SSH1: variants seen among roughly 807,000 people sequenced by gnomAD.
SSH1 encodes the protein protein phosphatase Slingshot homolog 1.
A neutral mutation model predicts 79.7 loss-of-function variants in SSH1; 43 were observed. That is an observed-to-expected ratio of 0.54 (90% CI 0.42 to 0.70). The LOEUF is 0.70. Among genes scored for constraint, SSH1 ranks in the 30% least tolerant of loss-of-function variants. The probability of loss-of-function intolerance (pLI) is 0.00; values close to 1 mark genes in which losing one functional copy is unlikely to be tolerated. For missense variants in SSH1, 1,206 were observed against 1,358.8 expected (o/e 0.89, Z 1.77); for synonymous variants, 599 against 538.3 (o/e 1.11, Z -1.56).
At chr12:108,834,604 G>A (rs895646213) in intron 2 of SSH1, among the ~76,000 whole-genome samples, 1 of 152,164 alleles carries the variant, frequency 6.6e-6, no homozygotes, top group African/African-American at 2.4e-5. Context: ...GTTATCCTCG[G>A]CAAAGGCGGG....
At chr12:108,826,726 A>G (rs1431064844) in intron 2 of SSH1, among the ~76,000 whole-genome samples, 1 of 152,166 alleles carries the variant, frequency 6.6e-6, no homozygotes, top group African/African-American at 2.4e-5. Context: ...TCTGATGCCC[A>G]GAGGCACAGG....
intron 13 of SSH1, among the ~76,000 whole-genome samples, chr12:108,798,542 G>C (rs772859593): frequency 6.8e-6 from 1 of 146,760 alleles, no homozygotes; most frequent in Admixed American, 6.6e-5. Flanking sequence ...ACTGAGGCTC[G>C]GGAAGACTGA....
At chr12:108,823,929 G>A (rs1480331549) in intron 2 of SSH1, among the ~76,000 whole-genome samples, 1 of 152,162 alleles carries the variant, frequency 6.6e-6, no homozygotes, top group Non-Finnish European at 1.5e-5. Flanking sequence ...AGGCCTCCTG[G>A]AGTGCTGTGA....
In SSH1 at chr12:108,798,089, G is replaced by A. The variant is rs77063405; in HGVS notation, c.1349+911C>T. ...GGGTTCACTCCTGCCAGAGCAAAGA[G>A]GCCGGTTCCTCCACTCGCTCACCCC... On this transcript the variant is annotated intron_variant, in intron 13 of 14. Coordinates refer to ENST00000326495, the MANE Select transcript of SSH1 (RefSeq NM_018984.4). Among the ~76,000 whole-genome samples the A allele has an allele frequency of 1.2e-3, 187 of 152,368 alleles. 7 individuals carry two copies. The East Asian group carries it at 0.035, about 29-fold the overall frequency.
At chr12:108,814,923 T>A (rs956985747) in intron 5 of SSH1, among the ~76,000 whole-genome samples, 1 of 152,176 alleles carries the variant, frequency 6.6e-6, no homozygotes, top group Non-Finnish European at 1.5e-5. Context: ...CGGAGTGGGA[T>A]GCGCATGTGG....
In SSH1 at chr12:108,837,449, C is replaced by G. The variant is rs776621465; in HGVS notation, c.111-14088G>C. 6.4e-4 allele frequency among the ~76,000 whole-genome samples: 97 copies of G among 152,112 alleles called. 1 individual carries two copies. The highest frequency in any genetic ancestry group is 1.1e-3 in the Admixed American group (17 of 15,272). ...GGAATGCATCAGAGTCAGTGTCCCG[C>G]GTGGATGGCTGTGTTGCGGTTCTGT... is the stretch of plus-strand genomic sequence containing the variant. On this transcript the variant is annotated intron_variant, in intron 2 of 14. Coordinates refer to ENST00000326495, the MANE Select transcript of SSH1 (RefSeq NM_018984.4).
intron 3 of SSH1, among the ~76,000 whole-genome samples, chr12:108,823,003 G>A (rs564702220): frequency 6.6e-6 from 1 of 152,360 alleles, no homozygotes; most frequent in South Asian, 2.1e-4. Flanking sequence ...ATAAACTACA[G>A]AGAGGAAATC....
chr12:108,809,650 A>G (rs745784005), intron 7 of SSH1, 43 bp downstream of exon 7: 83 of 1,553,304 alleles, frequency 5.3e-5, no homozygotes, highest in Non-Finnish European at 7.1e-5. Context: ...GTCGGCTAAG[A>G]AAATATTTCT....
At chr12:108,839,198 T>C (rs916783097) in intron 2 of SSH1, among the ~76,000 whole-genome samples, 2 of 152,156 alleles carry the variant, frequency 1.3e-5, no homozygotes, top group African/African-American at 4.8e-5. Context: ...AAAAACCACC[T>C]CCATTACCAT....
rs188611162 is a variant in SSH1 at position 108,829,912 on chromosome 12, G to A, written c.111-6551C>T. 4.6e-5 allele frequency among the ~76,000 whole-genome samples: 7 copies of A among 152,086 alleles called. No individual in the cohort carries two copies. In the East Asian group the frequency reaches 1.4e-3, roughly 29 times the overall value. ...ACCCCTGGAGTTCAAGATTAACCTG[G>A]GCAACGTAACAAGATCCCATCTCTA... is the stretch of plus-strand genomic sequence containing the variant. On this transcript the variant is annotated intron_variant, in intron 2 of 14. Coordinates refer to ENST00000326495, the MANE Select transcript of SSH1 (RefSeq NM_018984.4).
chr12:108,849,829 G>A (rs1305907465), intron 2 of SSH1, among the ~76,000 whole-genome samples: 2 of 119,956 alleles, frequency 1.7e-5, no homozygotes, highest in Non-Finnish European at 1.7e-5. Context: ...GGGGAGCCAG[G>A]GGAGGAGGCA....
At chr12:108,793,242 G>A (rs1212467932) in intron 13 of SSH1, among the ~76,000 whole-genome samples, 2 of 152,210 alleles carry the variant, frequency 1.3e-5, no homozygotes, top group Admixed American at 6.5e-5. Flanking sequence ...TCAAAGTGGA[G>A]TATGTACAGA....
At chr12:108,794,607 G>A (rs773153490) in intron 13 of SSH1, among the ~76,000 whole-genome samples, 2 of 152,192 alleles carry the variant, frequency 1.3e-5, no homozygotes, top group Non-Finnish European at 2.9e-5. Context: ...GTTTAGCACT[G>A]CAAAAGGAAA....
chr12:108,846,891 C>T (rs2038910129), intron 2 of SSH1, among the ~76,000 whole-genome samples: 1 of 151,934 alleles, frequency 6.6e-6, no homozygotes, highest in South Asian at 2.1e-4. Context: ...GGACCTGATT[C>T]TAGGCAAGGA....
intron 2 of SSH1, among the ~76,000 whole-genome samples, chr12:108,838,896 C>G (rs948048621): frequency 6.6e-6 from 1 of 152,230 alleles, no homozygotes; most frequent in South Asian, 2.1e-4. Context: ...GGTAACCATA[C>G]CAATGCTATG....
chr12:108,848,062 G>A (rs550218395), intron 2 of SSH1, among the ~76,000 whole-genome samples: 5 of 152,310 alleles, frequency 3.3e-5, no homozygotes, highest in Non-Finnish European at 7.3e-5. Context: ...AGGCACATGC[G>A]AGAGGGGAGG....
At chr12:108,806,561 C>G (rs2037285646) in intron 8 of SSH1, among the ~76,000 whole-genome samples, 167 bp from the exon 9 acceptor site, 1 of 152,190 alleles carries the variant, frequency 6.6e-6, no homozygotes. Context: ...CACAGAAAAC[C>G]CGCTGCAGCT....
chr12:108,792,994 AAC>A (rs2036580429), intron 13 of SSH1, among the ~76,000 whole-genome samples, 165 bp from the exon 14 acceptor site: 1 of 152,168 alleles, frequency 6.6e-6, no homozygotes, highest in African/African-American at 2.4e-5. Flanking sequence ...GTTCCCAAGA[AAC>A]ACAAGGATGA....
At chr12:108,854,899 T>C (rs1383654289) in intron 1 of SSH1, among the ~76,000 whole-genome samples, 1 of 152,170 alleles carries the variant, frequency 6.6e-6, no homozygotes. Flanking sequence ...CATCCCACCT[T>C]GCTTCTCACC....
Sources: allele counts gnomAD v4.1 joint callset (sites outside exome capture counted in the v4.1 genomes callset), GRCh38; gene constraint gnomAD v4.1.1; transcripts MANE v1.5; gene names NCBI Gene and HGNC (gene_info 2026-07-23, HGNC 2026-07-21).